ROBO1: variants seen among roughly 807,000 people sequenced by gnomAD.
ROBO1 encodes roundabout guidance receptor 1.
In ROBO1, 149 loss-of-function variants were observed where a neutral mutation model predicts 195.9. The observed-to-expected ratio is 0.76, with a 90% CI of 0.67 to 0.87. The LOEUF (loss-of-function observed/expected upper bound fraction) is 0.87. Among genes scored for constraint, ROBO1 ranks in the 40% least tolerant of loss-of-function variants. The pLI, the probability that ROBO1 is intolerant of heterozygous loss-of-function variation, is 0.00. For synonymous variants in ROBO1, 816 were observed against 733.2 expected, an observed-to-expected ratio of 1.11 and a Z score of -1.82; for missense variants, 1,933 against 2,068.3, an observed-to-expected ratio of 0.93 and a Z score of 1.27.
intron 3 of ROBO1, among the ~76,000 whole-genome samples, chr3:78,990,454 G>A (rs564700551): frequency 2.6e-5 from 4 of 152,256 alleles, no homozygotes; most frequent in African/African-American, 9.6e-5. Flanking sequence ...AAGCAACAGT[G>A]AAGACAAGTT....
chr3:79,631,517 T>C (rs1945340146), intron 1 of ROBO1, among the ~76,000 whole-genome samples: 1 of 152,032 alleles, frequency 6.6e-6, no homozygotes. Context: ...TTATAAGACC[T>C]GAAGTTATAA....
At chr3:78,790,243 T>C (rs1384631767) in intron 4 of ROBO1, among the ~76,000 whole-genome samples, 2 of 152,198 alleles carry the variant, frequency 1.3e-5, no homozygotes, top group African/African-American at 4.8e-5. Context: ...TTTGCTTTTA[T>C]CATTTATCTC....
chr3:79,137,852 G>A (rs925770204), intron 2 of ROBO1, among the ~76,000 whole-genome samples: 1 of 151,988 alleles, frequency 6.6e-6, no homozygotes, highest in African/African-American at 2.4e-5. Context: ...TACAAACAAT[G>A]GGACACCAGG....
At chr3:79,736,126 C>G (rs1230397967) in intron 1 of ROBO1, among the ~76,000 whole-genome samples, 6 of 152,196 alleles carry the variant, frequency 3.9e-5, no homozygotes, top group Non-Finnish European at 8.8e-5. Flanking sequence ...ATGACATCCT[C>G]TCTGAGATCT....
chr3:79,291,954 A>G (rs2032277200), intron 2 of ROBO1, among the ~76,000 whole-genome samples: 3 of 152,172 alleles, frequency 2.0e-5, no homozygotes, highest in Admixed American at 2.0e-4. Context: ...CTAAGTTCTT[A>G]ATTTTTTATT....
intron 3 of ROBO1, among the ~76,000 whole-genome samples, chr3:79,003,554 C>T (rs546914271): frequency 1.3e-5 from 2 of 152,094 alleles, no homozygotes; most frequent in African/African-American, 4.8e-5. Context: ...GTAACCCCAT[C>T]AAGTAGATAC....
intron 4 of ROBO1, among the ~76,000 whole-genome samples, chr3:78,866,736 G>T (rs945269352): frequency 3.3e-5 from 5 of 152,096 alleles, no homozygotes; most frequent in Non-Finnish European, 7.4e-5. Context: ...AACTTACATG[G>T]TTTTAAAATG....
intron 2 of ROBO1, among the ~76,000 whole-genome samples, chr3:79,454,768 C>G (rs2039561799): frequency 6.6e-6 from 1 of 152,004 alleles, no homozygotes; most frequent in Non-Finnish European, 1.5e-5. Flanking sequence ...CTCATCTTTA[C>G]ATTTGTTTCT....
chr3:79,598,512 A>G (rs756554016), intron 1 of ROBO1, among the ~76,000 whole-genome samples: 2 of 152,052 alleles, frequency 1.3e-5, no homozygotes, highest in Non-Finnish European at 2.9e-5. Flanking sequence ...ATCAGCAAAA[A>G]TAAACCTTAC....
At chr3:78,629,193 C>T (rs1334487243) in intron 25 of ROBO1, among the ~76,000 whole-genome samples, 1 of 152,192 alleles carries the variant, frequency 6.6e-6, no homozygotes, top group Non-Finnish European at 1.5e-5. Context: ...TGAGAACCTT[C>T]TCATTTGTCC....
At chr3:78,663,707 G>C (rs1707567861) in intron 14 of ROBO1, among the ~76,000 whole-genome samples, 1 of 152,172 alleles carries the variant, frequency 6.6e-6, no homozygotes, top group Non-Finnish European at 1.5e-5. Flanking sequence ...CTTGTGGTAA[G>C]ACATAAAAAG....
At chr3:79,583,404 AT>A (rs1211654566) in intron 2 of ROBO1, among the ~76,000 whole-genome samples, 5 of 151,908 alleles carry the variant, frequency 3.3e-5, no homozygotes, top group African/African-American at 1.2e-4. Flanking sequence ...ACAAATTATG[AT>A]TTTTCTTTTC....
At chr3:79,099,916 G>A (rs2079644745) in intron 3 of ROBO1, among the ~76,000 whole-genome samples, 1 of 151,708 alleles carries the variant, frequency 6.6e-6, no homozygotes, top group South Asian at 2.1e-4. Context: ...AGAGGCCAGG[G>A]AATGAATTGG....
At chr3:78,827,172 T>C (rs1055674472) in intron 4 of ROBO1, among the ~76,000 whole-genome samples, 3 of 152,142 alleles carry the variant, frequency 2.0e-5, no homozygotes, top group Non-Finnish European at 4.4e-5. Flanking sequence ...AGGAAAAGAA[T>C]AAAAGAACTT....
chr3:79,561,858 T>A (rs951919080), intron 2 of ROBO1, among the ~76,000 whole-genome samples: 2 of 152,110 alleles, frequency 1.3e-5, no homozygotes, highest in Non-Finnish European at 2.9e-5. Flanking sequence ...ATTCTACATG[T>A]CTATTAGACA....
chr3:78,651,922 A>G lies in ROBO1; in HGVS notation c.2622T>C (p.His874=). ...GGTCCTCAGGTGACACAGGGTTTCC[A>G]TGGGCATCTGAAAAGTCATCTTCCG... ...SEPQFIQLDA[H]GNPVSPEDQV... The change falls in exon 19 of 31, where the codon CAT becomes CAC. Residue 874 remains histidine, a synonymous_variant. Transcript: ENST00000464233. 1 of 1,612,274 alleles carries G rather than the reference A, an allele frequency of 6.2e-7. No homozygotes were observed. Among genetic ancestry groups the G allele is most frequent in the Non-Finnish European group, 8.5e-7 (1 of 1,179,100 alleles).
At chr3:79,626,464 A>T (rs1945184005) in intron 1 of ROBO1, among the ~76,000 whole-genome samples, 2 of 152,032 alleles carry the variant, frequency 1.3e-5, no homozygotes, top group African/African-American at 4.8e-5. Context: ...AAACAAAAAA[A>T]CCTCTCAATA....
intron 3 of ROBO1, among the ~76,000 whole-genome samples, chr3:78,985,500 C>T (rs1236774144): frequency 6.6e-6 from 1 of 152,064 alleles, no homozygotes; most frequent in East Asian, 1.9e-4. Flanking sequence ...GGGGTCAGCA[C>T]CCCTGGCCCC....
rs1201332014 is a variant in ROBO1, at chr3:79,236,679, A to G, written c.89-111140T>C. On this transcript the variant is annotated intron_variant, in intron 2 of 30. Coordinates refer to ENST00000464233, the MANE Select transcript of ROBO1 (RefSeq NM_002941.4). ...AGTTTTGTGGTATTTGCAGAGACAT[A>G]TCTAAAGTAAAAAGAAAACACAGGC... is the stretch of plus-strand genomic sequence containing the variant. Among the ~76,000 whole-genome samples the G allele has an allele frequency of 2.0e-5, 3 of 152,320 alleles. No individual in the cohort carries two copies. The East Asian group carries it at 5.8e-4, about 29-fold the overall frequency.
Sources: gnomAD v4.1 joint callset for allele counts (sites outside exome capture counted in the v4.1 genomes callset) on GRCh38, gnomAD v4.1.1 for gene constraint, MANE v1.5 for transcripts, NCBI Gene and HGNC (gene_info 2026-07-23, HGNC 2026-07-21) for gene names.